Variants in PARD6G observed in about 807,000 individuals in gnomAD.
PARD6G encodes par-6 family cell polarity regulator gamma.
PARD6G carries 7 observed loss-of-function variants against 10.7 expected under a neutral mutation model. The ratio of observed to expected loss-of-function variants is 0.66; its 90% CI spans 0.37 to 1.23. The LOEUF is 1.23. Ranked by LOEUF, PARD6G falls within the 50% of genes most tolerant of loss-of-function variation. PARD6G has a pLI of 0.02. For synonymous variants in PARD6G, 287 were observed against 269.4 expected, an observed-to-expected ratio of 1.07 and a Z score of -0.64; for missense variants, 548 against 571.8, an observed-to-expected ratio of 0.96 and a Z score of 0.42.
Position 80,158,533 on chromosome 18 carries a change from G to A in PARD6G, c.*1238C>T. The A allele has an allele frequency of 6.6e-6, 1 of 152,398 alleles. No homozygotes were observed. The highest frequency in any genetic ancestry group is 1.5e-5 in the Non-Finnish European group (1 of 68,078). The allele number at this position is 152,398 out of a possible 1,614,324, so 9.4% of individuals were successfully genotyped here. ...TGGATTTCCCCTTGAGGCTGAATGG[G>A]CCACCTATGTGGGTCACAAAAATAG... On this transcript the variant is annotated 3_prime_UTR_variant, in exon 3 of 3. Coordinates refer to ENST00000353265, the MANE Select transcript of PARD6G (RefSeq NM_032510.4).
In PARD6G at chr18:80,247,064, G is replaced by C. The variant is rs1288079803; in HGVS notation, c.72+213C>G. 1.3e-5 allele frequency among the ~76,000 whole-genome samples: 2 copies of C among 152,098 alleles called. No homozygotes were observed. Among genetic ancestry groups the C allele is most frequent in the Non-Finnish European group, 2.9e-5 (2 of 68,000 alleles). Reference sequence around the variant, plus strand: ...TCCGATGGCCCTCGGCCCTCTGAGCGCCGCGGCTGCCGGGCTTTGTGTCCG... The same window carrying C: ...TCCGATGGCCCTCGGCCCTCTGAGCCCCGCGGCTGCCGGGCTTTGTGTCCG... On this transcript the variant is annotated intron_variant, in intron 1 of 2. Transcript: ENST00000353265. The surrounding 1 kb of genome is among the most constrained non-coding windows in gnomAD (Gnocchi z 4.2).
chr18:80,168,897 T>A lies in PARD6G; in HGVS notation c.296-8291A>T, dbSNP rs1183898892. 4.2e-5 allele frequency: 7 copies of A among 166,882 alleles called. No individual in the cohort carries two copies. In the East Asian group the frequency reaches 1.3e-3, roughly 32 times the overall value. The allele number at this position is 166,882 out of a possible 1,614,324, so 10.3% of individuals were successfully genotyped here. A position where few individuals can be genotyped will look rare whatever the true frequency, so the allele number is the denominator to read the frequency against. ...ACAAGTTTTCAAACTAAAGATTTTC[T>A]AAGAAATATTTTCTTACAAATAACC... On this transcript the variant is annotated intron_variant, in intron 2 of 2. Coordinates refer to ENST00000353265, the MANE Select transcript of PARD6G (RefSeq NM_032510.4).
intron 2 of PARD6G, among the ~76,000 whole-genome samples, chr18:80,195,575 ACACAT>A (rs1425311658): frequency 2.2e-5 from 2 of 90,456 alleles, no homozygotes; most frequent in Admixed American, 1.1e-4. Context: ...ATATATATAC[ACACAT>A]TTTTTTTTCT....
Position 80,168,624 on chromosome 18 carries a change from CT to C in PARD6G, c.296-8019del, listed in dbSNP as rs958609718. On this transcript the variant is annotated intron_variant, in intron 2 of 2. Coordinates refer to ENST00000353265, the MANE Select transcript of PARD6G (RefSeq NM_032510.4). ...GTGTGTGTGTATGTATATGTATAAA[CT>C]TTTTTTTTTTTGGAGACAGTCTCGC... Among the ~76,000 whole-genome samples, 175 of 136,972 alleles carry C rather than the reference CT, an allele frequency of 1.3e-3. 1 individual carries two copies. The East Asian group carries it at 0.018, about 14-fold the overall frequency. The allele number at this position is 136,972 out of a possible 152,430, so 89.9% of individuals were successfully genotyped here.
At chr18:80,162,477 T>A (rs1159176673) in intron 2 of PARD6G, 1 of 169,088 alleles carries the variant, frequency 5.9e-6, no homozygotes, top group African/African-American at 2.4e-5. Context: ...TCTTGCACAC[T>A]CACACGTACA....
rs138904489 is a variant in PARD6G at position 80,233,091 on chromosome 18, A to G, written c.72+14186T>C. 4.2e-4 allele frequency among the ~76,000 whole-genome samples: 64 copies of G among 152,234 alleles called. No individual in the cohort carries two copies. The East Asian group carries it at 0.012, about 29-fold the overall frequency. On this transcript the variant is annotated intron_variant, in intron 1 of 2. Coordinates refer to ENST00000353265, the MANE Select transcript of PARD6G (RefSeq NM_032510.4). ...GACCCCAGCTGCTCATCTCCTGAGG[A>G]GTGGAGTGGGGCTTCGTCAACATAC...
At position 80,228,323 on chromosome 18, in the gene PARD6G, G is replaced by A. The variant is rs1174860800; in HGVS notation, c.72+18954C>T. On this transcript the variant is annotated intron_variant, in intron 1 of 2. Transcript: ENST00000353265. This position sits in a 1 kb window ranked among gnomAD's most constrained non-coding sequence, Gnocchi z 4.6. Reference sequence around the variant, plus strand: ...GTGAGCGGAGGGGAGGCCAGGGGAGGGGAGTTCCCGGACACACGGTCCTGG... The same window carrying A: ...GTGAGCGGAGGGGAGGCCAGGGGAGAGGAGTTCCCGGACACACGGTCCTGG... Among the ~76,000 whole-genome samples the A allele has an allele frequency of 6.6e-6, 1 of 152,044 alleles. No individual in the cohort carries two copies. The highest frequency in any genetic ancestry group is 1.9e-4 in the East Asian group (1 of 5,172).
At chr18:80,217,853 A>T (rs1235865084) in intron 1 of PARD6G, among the ~76,000 whole-genome samples, 1 of 151,924 alleles carries the variant, frequency 6.6e-6, no homozygotes, top group African/African-American at 2.4e-5. Context: ...GGCCTCAGGA[A>T]ACTTACAATC....
chr18:80,205,389 G>C (rs1183259564), intron 1 of PARD6G, among the ~76,000 whole-genome samples: 5 of 152,152 alleles, frequency 3.3e-5, no homozygotes, highest in Non-Finnish European at 7.3e-5. Context: ...ATCTCACATA[G>C]CTCATATATA....
chr18:80,226,656 T>C (rs1165154018), intron 1 of PARD6G, among the ~76,000 whole-genome samples: 1 of 152,178 alleles, frequency 6.6e-6, no homozygotes, highest in African/African-American at 2.4e-5. Context: ...GCAGTACCCC[T>C]GATTCACAGA....
chr18:80,159,765 G>C lies in PARD6G; in HGVS notation c.*6C>G, dbSNP rs575939330. The C allele has an allele frequency of 2.1e-6, 3 of 1,400,576 alleles. No individual in the cohort carries two copies. The highest frequency in any genetic ancestry group is 2.8e-6 in the Non-Finnish European group (3 of 1,079,814). The allele number at this position is 1,400,576 out of a possible 1,614,324, so 86.8% of individuals were successfully genotyped here. A position where few individuals can be genotyped will look rare whatever the true frequency, so the allele number is the denominator to read the frequency against. The stretch of plus-strand genomic sequence containing the variant: ...TGGAGCTAGGATTTGGGGGCCTCTC[G>C]GGAGTCTAGAGCGTGACCGCGGGCC... On this transcript the variant is annotated 3_prime_UTR_variant, in exon 3 of 3. Coordinates refer to ENST00000353265, the MANE Select transcript of PARD6G (RefSeq NM_032510.4).
intron 1 of PARD6G, among the ~76,000 whole-genome samples, chr18:80,230,945 A>G (rs1451224420): frequency 6.6e-6 from 1 of 152,232 alleles, no homozygotes; most frequent in East Asian, 1.9e-4. Flanking sequence ...TAACCTGCCC[A>G]TAGTCACAAG....
In PARD6G at chr18:80,189,569, T is replaced by C. The variant is rs774779382; in HGVS notation, c.295+13141A>G. On this transcript the variant is annotated intron_variant, in intron 2 of 2. Transcript: ENST00000353265. The surrounding 1 kb of genome is among the most constrained non-coding windows in gnomAD (Gnocchi z 5.5). ...ACGAGGACAGCTAACTCCAGATGTCTTCTCTTACCCGCTAACTGACACCAC... is the reference window on the plus strand; with the variant it reads ...ACGAGGACAGCTAACTCCAGATGTCCTCTCTTACCCGCTAACTGACACCAC... The C allele has an allele frequency of 6.6e-6, 1 of 152,200 alleles. No homozygotes were observed. Among genetic ancestry groups the C allele is most frequent in the Non-Finnish European group, 1.5e-5 (1 of 68,040 alleles). 9.4% of individuals were successfully genotyped at this position (152,200 alleles called of 1,614,324 possible). A position where few individuals can be genotyped will look rare whatever the true frequency, so the allele number is the denominator to read the frequency against.
At position 80,177,972 on chromosome 18, in the gene PARD6G, T is replaced by TACACACACAC. The variant is rs3028716; in HGVS notation, c.296-17376_296-17367dup. The TACACACACAC allele has an allele frequency of 4.7e-3, 718 of 152,332 alleles. 5 individuals carry two copies. Among genetic ancestry groups the TACACACACAC allele is most frequent in the Middle Eastern group, 0.01 (3 of 290 alleles). 9.4% of individuals were successfully genotyped at this position (152,332 alleles called of 1,614,324 possible). ...ACAGTCCAAATGGGAAGCGTGTGCATACACACACACACACACACACACACA... is the reference window on the plus strand; with the variant it reads ...ACAGTCCAAATGGGAAGCGTGTGCATACACACACACACACACACACACACACACACACACA... On this transcript the variant is annotated intron_variant, in intron 2 of 2. Transcript: ENST00000353265.
At chr18:80,185,413 T>G (rs2052868839) in intron 2 of PARD6G, among the ~76,000 whole-genome samples, 1 of 152,140 alleles carries the variant, frequency 6.6e-6, no homozygotes, top group Non-Finnish European at 1.5e-5. Flanking sequence ...TAGCTGGGAC[T>G]ACAGGCATGC....
chr18:80,205,055 G>C (rs2145282571), intron 1 of PARD6G, among the ~76,000 whole-genome samples: 1 of 152,208 alleles, frequency 6.6e-6, no homozygotes, highest in East Asian at 1.9e-4. Context: ...GGAAGAAGTG[G>C]GACCCCAGAA....
At chr18:80,232,746 A>G (rs1967374329) in intron 1 of PARD6G, among the ~76,000 whole-genome samples, 1 of 152,156 alleles carries the variant, frequency 6.6e-6, no homozygotes, top group Non-Finnish European at 1.5e-5. Flanking sequence ...GACTGGACAC[A>G]AGGCCAAACA....
intron 2 of PARD6G, among the ~76,000 whole-genome samples, chr18:80,173,134 C>T (rs2145253972): frequency 6.6e-6 from 1 of 152,278 alleles, no homozygotes; most frequent in South Asian, 2.1e-4. Context: ...ACCAACTACC[C>T]AATGTAGAAA....
chr18:80,222,749 CT>C (rs1457500200), intron 1 of PARD6G, among the ~76,000 whole-genome samples: 1 of 152,200 alleles, frequency 6.6e-6, no homozygotes, highest in Non-Finnish European at 1.5e-5. Flanking sequence ...TCTTGGCTCA[CT>C]AAAACGTCCA....
Sources: gnomAD v4.1 joint callset for allele counts (sites outside exome capture counted in the v4.1 genomes callset) on GRCh38, gnomAD v4.1.1 for gene constraint, Gnocchi (gnomAD v3.1) non-coding constraint, MANE v1.5 for transcripts, NCBI Gene and HGNC (gene_info 2026-07-23, HGNC 2026-07-21) for gene names.